Variants in TRAPPC8 observed in about 807,000 individuals in gnomAD.
The protein encoded by TRAPPC8 is trafficking protein particle complex subunit 8.
TRAPPC8 carries 54 observed loss-of-function variants against 174.3 expected under a neutral mutation model. That is an observed-to-expected ratio of 0.31 (90% CI 0.25 to 0.39). The LOEUF (loss-of-function observed/expected upper bound fraction) is 0.39, where lower values mean the gene tolerates loss of function less well. TRAPPC8 is among the 10% of genes least tolerant of loss of function. TRAPPC8 has a pLI of 1.00. For missense variants in TRAPPC8, 1,531 were observed against 1,699.1 expected, an observed-to-expected ratio of 0.90 and a Z score of 1.74; for synonymous variants, 630 against 579.9, an observed-to-expected ratio of 1.09 and a Z score of -1.24.
At chr18:31,892,961 G>A (rs1045210381) in intron 11 of TRAPPC8, among the ~76,000 whole-genome samples, 1 of 150,758 alleles carries the variant, frequency 6.6e-6, no homozygotes, top group Non-Finnish European at 1.5e-5. Context: ...CGGCTGCAGT[G>A]AGCCATGAAT....
intron 27 of TRAPPC8, among the ~76,000 whole-genome samples, chr18:31,837,053 C>T (rs752984256): frequency 7.9e-5 from 12 of 152,150 alleles, no homozygotes; most frequent in South Asian, 2.1e-4. Context: ...TGAGCCACCG[C>T]GCCCGGCCCA....
At chr18:31,902,110 T>C (rs531643988) in intron 9 of TRAPPC8, among the ~76,000 whole-genome samples, 8 of 152,126 alleles carry the variant, frequency 5.3e-5, no homozygotes, top group South Asian at 2.1e-4. Flanking sequence ...ACATCAGGAG[T>C]TGGAGGCCAG....
rs1384819620 is a variant in TRAPPC8 at position 31,855,769 on chromosome 18, C to T, written c.3227G>A (p.Ser1076Asn). Residue 1076 changes from serine (S) to asparagine (N), a missense_variant, in exon 21 of 29, where the codon AGT becomes AAT. Physicochemically the swap from Ser to Asn is conservative, Grantham distance 46. Coordinates refer to ENST00000283351, the MANE Select transcript of TRAPPC8 (RefSeq NM_014939.5). Reference sequence around the variant, plus strand: ...AGTGGCCCGTACATTTAAAGACCGACTGGTACAAATAATTGCAGTGTGTCT... The same window carrying T: ...AGTGGCCCGTACATTTAAAGACCGATTGGTACAAATAATTGCAGTGTGTCT... ...ILRHTAIICT[S>N]RSLNVRATVC... 2.5e-6 allele frequency: 4 copies of T among 1,603,236 alleles called. No homozygotes were observed. Among genetic ancestry groups the T allele is most frequent in the Middle Eastern group, 1.7e-4 (1 of 6,036 alleles).
intron 2 of TRAPPC8, among the ~76,000 whole-genome samples, chr18:31,930,741 G>A (rs1042412139): frequency 1.1e-4 from 17 of 151,518 alleles, no homozygotes; most frequent in Non-Finnish European, 2.4e-4. Context: ...ACACCAGCCT[G>A]GGGAACATAA....
chr18:31,856,506 G>A (rs1012832599), intron 20 of TRAPPC8, among the ~76,000 whole-genome samples: 1 of 151,990 alleles, frequency 6.6e-6, no homozygotes, highest in South Asian at 2.1e-4. Flanking sequence ...GGTTATAGGT[G>A]TGAGCCACTG....
chr18:31,899,503 C>A (rs2145418592), intron 10 of TRAPPC8, among the ~76,000 whole-genome samples: 1 of 152,286 alleles, frequency 6.6e-6, no homozygotes, highest in East Asian at 1.9e-4. Context: ...AAAATTGCCT[C>A]TATATCTGCC....
At chr18:31,872,696 G>A (rs960849346) in intron 14 of TRAPPC8, among the ~76,000 whole-genome samples, 2 of 152,064 alleles carry the variant, frequency 1.3e-5, no homozygotes, top group African/African-American at 4.8e-5. Flanking sequence ...TGGGATTACA[G>A]GTGTGAGCCA....
chr18:31,897,792 G>T lies in TRAPPC8; in HGVS notation c.1590C>A (p.Thr530=). ...SEAAALLIRL[T]SEDSDLRSAL... ...TACTACACAGTTTCAGTACCTCACT[G>T]GTCAACCGTATTAGGAGAGCTGCAG... The change falls in exon 11 of 29, where the codon ACC becomes ACA. Residue 530 remains threonine (T), a synonymous_variant. Coordinates refer to ENST00000283351, the MANE Select transcript of TRAPPC8 (RefSeq NM_014939.5). 6.3e-7 allele frequency: 1 copy of T among 1,598,192 alleles called. No individual in the cohort carries two copies. Among genetic ancestry groups the T allele is most frequent in the Non-Finnish European group, 8.5e-7 (1 of 1,170,910 alleles).
In TRAPPC8 at chr18:31,873,476, A is replaced by G; in HGVS notation, c.2016T>C (p.Ser672=). Residue 672 remains serine, a synonymous_variant, in exon 14 of 29, where the codon AGT becomes AGC. Coordinates refer to ENST00000283351, the MANE Select transcript of TRAPPC8 (RefSeq NM_014939.5). ...LPQLPLPYIN[S]SATRVFFGHD... The stretch of plus-strand genomic sequence containing the variant: ...GGCCAAAAAAAACCCGTGTTGCTGA[A>G]CTGTTAATATACGGTAAAGGAAGCT... 6.2e-7 allele frequency: 1 copy of G among 1,613,938 alleles called. No individual in the cohort carries two copies. Among genetic ancestry groups the G allele is most frequent in the Non-Finnish European group, 8.5e-7 (1 of 1,179,882 alleles).
intron 26 of TRAPPC8, among the ~76,000 whole-genome samples, chr18:31,842,182 AT>A (rs2033139665): frequency 6.6e-6 from 1 of 152,174 alleles, no homozygotes; most frequent in Non-Finnish European, 1.5e-5. Context: ...TATATTGGTG[AT>A]TTTACCTTTG....
rs58583643 is a variant in TRAPPC8, at chr18:31,873,415, T to G, written c.2062+15A>C. ...ATTGTCATTAGGTAATTAGGCTAAA[T>G]AAAACTTTACTAACCATCCGCTGGT... is the stretch of plus-strand genomic sequence containing the variant. On this transcript the variant is annotated intron_variant, in intron 14 of 28. Coordinates refer to ENST00000283351, the MANE Select transcript of TRAPPC8 (RefSeq NM_014939.5). The G allele has an allele frequency of 3.8e-6, 6 of 1,596,850 alleles. No homozygotes were observed. The Admixed American group carries it at 1.0e-4, about 28-fold the overall frequency.
chr18:31,916,113 G>A lies in TRAPPC8; in HGVS notation c.617+159C>T, dbSNP rs12967531. On this transcript the variant is annotated intron_variant, in intron 4 of 28. Transcript: ENST00000283351. ...AAATAACTTGACTGTTGAATATAAT[G>A]CCAGGATAAAACATAAAGTTAAATG... Among the ~76,000 whole-genome samples, 38,907 of 150,208 alleles carry A rather than the reference G, an allele frequency of 0.26. 5,301 individuals are homozygous for A. The highest frequency in any genetic ancestry group is 0.39 in the Middle Eastern group (113 of 288).
chr18:31,890,199 G>A (rs913870065), intron 12 of TRAPPC8, among the ~76,000 whole-genome samples: 7 of 152,156 alleles, frequency 4.6e-5, no homozygotes, highest in Admixed American at 2.0e-4. Flanking sequence ...AGCTCTCTCC[G>A]ACTAATGGTT....
At chr18:31,892,319 T>C (rs1034757774) in intron 11 of TRAPPC8, among the ~76,000 whole-genome samples, 1 of 152,156 alleles carries the variant, frequency 6.6e-6, no homozygotes, top group Admixed American at 6.5e-5. Flanking sequence ...AAAATACACA[T>C]ATATTTTGAT....
At chr18:31,867,596 T>TATGA in intron 16 of TRAPPC8, 120 bp from the exon 17 acceptor site, 1 of 666,564 alleles carries the variant, frequency 1.5e-6, no homozygotes, top group Non-Finnish European at 2.5e-6. Flanking sequence ...TACTTGGTTT[T>TATGA]TACCACATGC....
chr18:31,914,202 A>T (rs2037039934), intron 4 of TRAPPC8, among the ~76,000 whole-genome samples: 1 of 151,998 alleles, frequency 6.6e-6, no homozygotes, highest in Non-Finnish European at 1.5e-5. Context: ...ACCACATTCA[A>T]ATGTAAATAC....
At position 31,936,060 on chromosome 18, in the gene TRAPPC8, AT is replaced by A. The variant is rs1050495751; in HGVS notation, c.158-4538del. On this transcript the variant is annotated intron_variant, in intron 1 of 28. Transcript: ENST00000283351. The stretch of plus-strand genomic sequence containing the variant: ...CACAAGACCCCATCTCTATAAAAAA[AT>A]TTTTTTTAATTAGCTGGGTGTGATG... 5.3e-5 allele frequency among the ~76,000 whole-genome samples: 8 copies of A among 151,924 alleles called. No individual in the cohort carries two copies. The South Asian group carries it at 1.0e-3, about 20-fold the overall frequency.
chr18:31,841,271 T>C (rs2033080787), intron 26 of TRAPPC8, among the ~76,000 whole-genome samples: 1 of 152,170 alleles, frequency 6.6e-6, no homozygotes, highest in Non-Finnish European at 1.5e-5. Context: ...TTCTCATTTG[T>C]ATATTTGTTT....
At chr18:31,934,330 T>C (rs962954338) in intron 1 of TRAPPC8, among the ~76,000 whole-genome samples, 2 of 152,124 alleles carry the variant, frequency 1.3e-5, no homozygotes, top group East Asian at 3.9e-4. Flanking sequence ...AAAGAAAAGA[T>C]AAAAAGCAAA....
Sources: gnomAD v4.1 joint callset for allele counts (sites outside exome capture counted in the v4.1 genomes callset) on GRCh38, gnomAD v4.1.1 for gene constraint, MANE v1.5 for transcripts, NCBI Gene and HGNC (gene_info 2026-07-23, HGNC 2026-07-21) for gene names.